Variants in BAZ2B observed in about 807,000 individuals in gnomAD.
The protein encoded by BAZ2B is bromodomain adjacent to zinc finger domain 2B.
Under a neutral mutation model 246.0 loss-of-function variants are expected in BAZ2B, and 91 were observed. The ratio of observed to expected loss-of-function variants is 0.37; its 90% confidence interval spans 0.31 to 0.44. BAZ2B has a LOEUF of 0.44. Ranked by LOEUF, BAZ2B falls within the 20% of genes least tolerant of loss-of-function variation. The pLI, the probability that BAZ2B is intolerant of heterozygous loss-of-function variation, is 1.00. For missense variants in BAZ2B, 2,332 were observed against 2,533.7 expected, an observed-to-expected ratio of 0.92 and a Z score of 1.71; for synonymous variants, 855 against 860.0, an observed-to-expected ratio of 0.99 and a Z score of 0.10.
chr2:159,532,717 GT>G (rs1407656839), intron 2 of BAZ2B, among the ~76,000 whole-genome samples: 2 of 152,076 alleles, frequency 1.3e-5, no homozygotes, highest in Non-Finnish European at 1.5e-5. Context: ...GATATCTAAG[GT>G]CTTTTTCTGC....
the BAZ2B span, among the ~76,000 whole-genome samples, chr2:159,656,508 A>T: frequency 6.6e-6 from 1 of 152,134 alleles, no homozygotes; most frequent in East Asian, 1.9e-4. Context: ...CTTCACCCTG[A>T]ACCCCTTGAC....
At chr2:159,387,376 T>A (rs2062771632) in intron 21 of BAZ2B, among the ~76,000 whole-genome samples, 1 of 152,140 alleles carries the variant, frequency 6.6e-6, no homozygotes, top group Admixed American at 6.6e-5. Context: ...AAATAGGTAA[T>A]CTGAATTAAA....
chr2:159,372,498 T>C (rs1338647008), intron 27 of BAZ2B, among the ~76,000 whole-genome samples: 1 of 152,156 alleles, frequency 6.6e-6, no homozygotes, highest in Non-Finnish European at 1.5e-5. Context: ...GTAACAGAAA[T>C]GGAGCCAGCG....
intron 27 of BAZ2B, among the ~76,000 whole-genome samples, chr2:159,356,081 C>G (rs187806789): frequency 6.6e-6 from 1 of 152,314 alleles, no homozygotes; most frequent in East Asian, 1.9e-4. Context: ...AGACACTGAG[C>G]TAGCTGCAAG....
intron 1 of BAZ2B, among the ~76,000 whole-genome samples, chr2:159,582,067 A>AT (rs1686943508): frequency 6.7e-6 from 1 of 149,376 alleles, no homozygotes; most frequent in African/African-American, 2.5e-5. Flanking sequence ...TTAAAGTATA[A>AT]AAAAAATGCT....
chr2:159,488,160 C>T (rs2080047316), intron 2 of BAZ2B, among the ~76,000 whole-genome samples: 1 of 152,042 alleles, frequency 6.6e-6, no homozygotes, highest in African/African-American at 2.4e-5. Context: ...GCAATCTCCA[C>T]CTCCTGGGTT....
intron 2 of BAZ2B, among the ~76,000 whole-genome samples, chr2:159,487,798 A>G (rs768201192): frequency 1.9e-4 from 29 of 152,064 alleles, no homozygotes; most frequent in Admixed American, 1.5e-3. Context: ...AAAAAAAAGA[A>G]TTTAAAAAAA....
At chr2:159,572,266 A>G (rs970867838) in intron 1 of BAZ2B, among the ~76,000 whole-genome samples, 3 of 152,212 alleles carry the variant, frequency 2.0e-5, no homozygotes, top group East Asian at 1.9e-4. Flanking sequence ...CCTGAGCTCA[A>G]TGAGTCTCTA....
chr2:159,451,801 A>G (rs905769803), intron 4 of BAZ2B, among the ~76,000 whole-genome samples: 1 of 152,146 alleles, frequency 6.6e-6, no homozygotes, highest in Non-Finnish European at 1.5e-5. Context: ...TGAACTCCAG[A>G]TGAGTAATTT....
chr2:159,635,564 T>C, the BAZ2B span, among the ~76,000 whole-genome samples: 3 of 151,936 alleles, frequency 2.0e-5, no homozygotes, highest in Non-Finnish European at 4.4e-5. Context: ...TGAAATTCTA[T>C]CCTGTTTGTT....
chr2:159,402,883 C>T (rs1277076907), intron 16 of BAZ2B, among the ~76,000 whole-genome samples: 1 of 152,176 alleles, frequency 6.6e-6, no homozygotes, highest in East Asian at 1.9e-4. Flanking sequence ...GGTCACTTTA[C>T]ATTTAATATC....
At position 159,592,715 on chromosome 2, in the gene BAZ2B, G is replaced by A. The variant is rs557627371; in HGVS notation, c.-46+23527C>T. Among the ~76,000 whole-genome samples, 26 of 152,246 alleles carry A rather than the reference G, an allele frequency of 1.7e-4. 1 individual carries two copies. The East Asian group carries it at 4.8e-3, about 28-fold the overall frequency. On this transcript the variant is annotated intron_variant, in intron 1 of 36. Transcript: ENST00000392783. The stretch of plus-strand genomic sequence containing the variant: ...GGCGTGCCAAGAACTATATGAGCTT[G>A]GAAGCAGATCTTCTAGCCCCAGTTG...
chr2:159,610,963 C>T (rs1336291038), intron 1 of BAZ2B, among the ~76,000 whole-genome samples: 1 of 151,894 alleles, frequency 6.6e-6, no homozygotes, highest in African/African-American at 2.4e-5. Context: ...ACTCAAAATA[C>T]ATTTAAAAGT....
At chr2:159,580,751 G>A (rs1041503838) in intron 1 of BAZ2B, among the ~76,000 whole-genome samples, 2 of 152,256 alleles carry the variant, frequency 1.3e-5, no homozygotes, top group East Asian at 3.9e-4. Flanking sequence ...AGAGGCCTCA[G>A]AAATAATACT....
intron 8 of BAZ2B, chr2:159,437,858 A>C (rs1239914357): frequency 6.3e-6 from 1 of 157,592 alleles, no homozygotes; most frequent in Non-Finnish European, 1.4e-5. Context: ...TGGAGGTTGC[A>C]GTGAGCTGAG....
intron 2 of BAZ2B, among the ~76,000 whole-genome samples, chr2:159,506,043 GA>G (rs749224310): frequency 6.6e-6 from 1 of 152,158 alleles, no homozygotes; most frequent in Non-Finnish European, 1.5e-5. Flanking sequence ...CAGAGAATCT[GA>G]AACGGATCTC....
rs1264170369 is a variant in BAZ2B at position 159,373,311 on chromosome 2, CA to C, written c.4069-123del. On this transcript the variant is annotated intron_variant, in intron 26 of 36. Coordinates refer to ENST00000392783, the MANE Select transcript of BAZ2B (RefSeq NM_013450.4). The stretch of plus-strand genomic sequence containing the variant: ...ATAAATTTCACTACTGGGAAAAGAG[CA>C]AAAGGTCTAAATATTCATGCCTGAC... 4 of 787,526 alleles carry C rather than the reference CA, an allele frequency of 5.1e-6. No individual in the cohort carries two copies. In the Admixed American group the frequency reaches 1.5e-4, roughly 29 times the overall value. 48.8% of individuals were successfully genotyped at this position (787,526 alleles called of 1,614,324 possible).
chr2:159,637,026 T>C, the BAZ2B span, among the ~76,000 whole-genome samples: 2 of 152,122 alleles, frequency 1.3e-5, no homozygotes, highest in African/African-American at 4.8e-5. Flanking sequence ...CCTTGGGCCC[T>C]GAATAACCAG....
intron 14 of BAZ2B, 34 bp downstream of exon 14, chr2:159,412,301 T>C (rs747430720): frequency 1.3e-6 from 2 of 1,586,712 alleles, no homozygotes; most frequent in African/African-American, 2.7e-5. Context: ...CTTTTTAGTA[T>C]GATTATTAGT....
Sources: allele counts gnomAD v4.1 joint callset (sites outside exome capture counted in the v4.1 genomes callset), GRCh38; gene constraint gnomAD v4.1.1; transcripts MANE v1.5; gene names NCBI Gene and HGNC (gene_info 2026-07-23, HGNC 2026-07-21).